Variants in PGBD2 observed in about 807,000 individuals in gnomAD.
PGBD2 encodes the protein piggyBac transposable element derived 2, also known as piggyBac transposable element-derived protein 2.
A neutral mutation model predicts 8.1 loss-of-function variants in PGBD2; 6 were observed. The observed-to-expected ratio is 0.74, with a 90% CI of 0.40 to 1.46. The LOEUF (loss-of-function observed/expected upper bound fraction) is 1.46, where lower values mean the gene tolerates loss of function less well. Ranked by LOEUF, PGBD2 falls within the 40% of genes most tolerant of loss-of-function variation. The pLI, the probability that PGBD2 is intolerant of heterozygous loss-of-function variation, is 0.02. For missense variants in PGBD2, 802 were observed against 739.0 expected, an observed-to-expected ratio of 1.09 and a Z score of -0.99; for synonymous variants, 318 against 272.2, an observed-to-expected ratio of 1.17 and a Z score of -1.66.
the PGBD2 span, among the ~76,000 whole-genome samples, chr1:248,884,968 CA>C: frequency 6.6e-6 from 1 of 152,030 alleles, no homozygotes; most frequent in South Asian, 2.1e-4. Context: ...GAATCCTGGT[CA>C]GTTTTTGTGC....
At chr1:248,887,036 T>C in the PGBD2 span, among the ~76,000 whole-genome samples, 6 of 152,192 alleles carry the variant, frequency 3.9e-5, no homozygotes, top group Admixed American at 3.9e-4. Flanking sequence ...CATGCATATG[T>C]ATATGTATTT....
chr1:248,895,412 C>CT, the PGBD2 span, among the ~76,000 whole-genome samples: 2 of 152,200 alleles, frequency 1.3e-5, no homozygotes, highest in Non-Finnish European at 2.9e-5. Flanking sequence ...AGCAAGGGTT[C>CT]TGCTGCTCAA....
chr1:248,928,198 T>C, the PGBD2 span, among the ~76,000 whole-genome samples: 1 of 152,204 alleles, frequency 6.6e-6, no homozygotes, highest in South Asian at 2.1e-4. Context: ...TCAATTAAAA[T>C]GCAACATGTC....
the PGBD2 span, among the ~76,000 whole-genome samples, chr1:248,891,674 T>C: frequency 6.6e-6 from 1 of 151,954 alleles, no homozygotes; most frequent in South Asian, 2.1e-4. Context: ...TACTAAAAAT[T>C]TAAAAATCAG....
chr1:248,928,177 A>G, the PGBD2 span, among the ~76,000 whole-genome samples: 1 of 152,166 alleles, frequency 6.6e-6, no homozygotes, highest in Admixed American at 6.5e-5. Flanking sequence ...TTAAAAAATT[A>G]TATCAACCTT....
intron 2 of PGBD2, among the ~76,000 whole-genome samples, 188 bp downstream of exon 2, chr1:248,914,067 G>C (rs1194349300): frequency 6.6e-6 from 1 of 152,198 alleles, no homozygotes; most frequent in Non-Finnish European, 1.5e-5. Flanking sequence ...CAGTTGCATG[G>C]TGTGGGTGTG....
the PGBD2 span, among the ~76,000 whole-genome samples, chr1:248,929,012 C>T: frequency 1.3e-5 from 2 of 152,162 alleles, no homozygotes; most frequent in East Asian, 1.9e-4. Flanking sequence ...TGTGAGATCT[C>T]CTTCAAATGC....
At chr1:248,888,291 G>T in the PGBD2 span, among the ~76,000 whole-genome samples, 7 of 152,292 alleles carry the variant, frequency 4.6e-5, no homozygotes, top group Non-Finnish European at 8.8e-5. Context: ...TGGGATTCAT[G>T]GGTTGAATGG....
At chr1:248,882,527 G>A in the PGBD2 span, among the ~76,000 whole-genome samples, 4 of 152,240 alleles carry the variant, frequency 2.6e-5, no homozygotes, top group East Asian at 1.9e-4. Flanking sequence ...CTAGACAATC[G>A]GTTAGACCAG....
chr1:248,897,406 C>T, the PGBD2 span, among the ~76,000 whole-genome samples: 5 of 151,868 alleles, frequency 3.3e-5, no homozygotes, highest in African/African-American at 1.2e-4. Context: ...ACTCTCATGG[C>T]AAAACTGCTG....
At chr1:248,892,273 C>CCCTT in the PGBD2 span, among the ~76,000 whole-genome samples, 102 of 127,384 alleles carry the variant, frequency 8.0e-4, 1 homozygote, top group African/African-American at 2.1e-3. Context: ...CTCCCTCCCT[C>CCCTT]CCTTCCTTCC....
At chr1:248,891,826 T>TA in the PGBD2 span, among the ~76,000 whole-genome samples, 2 of 152,048 alleles carry the variant, frequency 1.3e-5, no homozygotes, top group African/African-American at 2.4e-5. Context: ...CCTGTCTTTT[T>TA]AAAAAAGAAA....
upstream of PGBD2, chr1:248,906,224 C>G: frequency 6.6e-6 from 1 of 151,932 alleles, no homozygotes; most frequent in East Asian, 2.0e-4. Context: ...TGCAGCGAGC[C>G]CTCTGGTGCC....
Position 248,906,316 on chromosome 1 carries a change from C to T in PGBD2, c.-74C>T, listed in dbSNP as rs1254218315. On this transcript the variant is annotated 5_prime_UTR_variant, in exon 1 of 3. Transcript: ENST00000329291. ...CGCGGCTCATGGTCCGGTTCGGGCT[C>T]GCGAGTCTCCGTCTGGGGTAGGGCA... The T allele has an allele frequency of 6.6e-6, 1 of 151,786 alleles. No homozygotes were observed. Among genetic ancestry groups the T allele is most frequent in the Non-Finnish European group, 1.5e-5 (1 of 67,980 alleles). The allele number at this position is 151,786 out of a possible 1,614,324, so 9.4% of individuals were successfully genotyped here. A position where few individuals can be genotyped will look rare whatever the true frequency, so the allele number is the denominator to read the frequency against.
chr1:248,917,420 G>A lies in PGBD2; in HGVS notation c.836G>A (p.Arg279Gln), dbSNP rs77124333. ...TCTATGTGTGAGTACTTTGGGCACC[G>A]GGGGTCCAAGCAGCTGCACAGGGGG... ...GESMCEYFGH[R>Q]GSKQLHRGKP... The change falls in exon 3 of 3, where the codon CGG becomes CAG. Residue 279 changes from arginine to glutamine, a missense_variant. Physicochemically the swap from Arg to Gln is conservative, Grantham distance 43. Coordinates refer to ENST00000329291, the MANE Select transcript of PGBD2 (RefSeq NM_170725.3). 16,685 of 1,614,060 alleles carry A rather than the reference G, an allele frequency of 0.01. 506 individuals are homozygous for A. The East Asian group carries it at 0.12, about 12-fold the overall frequency.
chr1:248,924,644 A>G (rs143190815), downstream of PGBD2, among the ~76,000 whole-genome samples: 2,680 of 152,364 alleles, frequency 0.018, 91 homozygotes, highest in African/African-American at 0.061. Flanking sequence ...GAGTTTATTC[A>G]TTCAATTAAG....
At chr1:248,883,101 T>C in the PGBD2 span, among the ~76,000 whole-genome samples, 1 of 152,188 alleles carries the variant, frequency 6.6e-6, no homozygotes, top group Admixed American at 6.5e-5. Flanking sequence ...TTCTAGTTTT[T>C]AAAGAATTTC....
intron 1 of PGBD2, among the ~76,000 whole-genome samples, chr1:248,910,110 C>A (rs1661812137): frequency 6.6e-6 from 1 of 152,202 alleles, no homozygotes; most frequent in African/African-American, 2.4e-5. Context: ...GGCTTCTTGA[C>A]CCAAACCTGG....
Position 248,918,469 on chromosome 1 carries a change from A to G in PGBD2, c.*106A>G. 1 of 1,160,340 alleles carries G rather than the reference A, an allele frequency of 8.6e-7. No individual in the cohort carries two copies. Among genetic ancestry groups the G allele is most frequent in the Non-Finnish European group, 1.2e-6 (1 of 841,916 alleles). The allele number at this position is 1,160,340 out of a possible 1,614,324, so 71.9% of individuals were successfully genotyped here. A position where few individuals can be genotyped will look rare whatever the true frequency, so the allele number is the denominator to read the frequency against. On this transcript the variant is annotated 3_prime_UTR_variant, in exon 3 of 3. Coordinates refer to ENST00000329291, the MANE Select transcript of PGBD2 (RefSeq NM_170725.3). ...GTTGGAAAAAAGACCTGAATTTCTA[A>G]TGACTTGATTTTCTATTTTCTCCCT...
Sources: allele counts gnomAD v4.1 joint callset (sites outside exome capture counted in the v4.1 genomes callset), GRCh38; gene constraint gnomAD v4.1.1; transcripts MANE v1.5; gene names NCBI Gene and HGNC (gene_info 2026-07-23, HGNC 2026-07-21).